Variants in HSD17B12 observed in about 807,000 individuals in gnomAD.
HSD17B12 encodes the protein very-long-chain 3-oxoacyl-CoA reductase.
HSD17B12 carries 32 observed loss-of-function variants against 39.3 expected under a neutral mutation model. That is an observed-to-expected ratio of 0.81 (90% CI 0.61 to 1.09). The LOEUF (loss-of-function observed/expected upper bound fraction) is 1.09. HSD17B12 is among the 50% of genes least tolerant of loss of function. HSD17B12 has a pLI of 0.00. For synonymous variants in HSD17B12, 150 were observed against 146.7 expected, an observed-to-expected ratio of 1.02 and a Z score of -0.16; for missense variants, 342 against 382.9, an observed-to-expected ratio of 0.89 and a Z score of 0.89.
intron 1 of HSD17B12, among the ~76,000 whole-genome samples, chr11:43,729,558 GT>G (rs1950250204): frequency 6.6e-6 from 1 of 152,194 alleles, no homozygotes; most frequent in Admixed American, 6.5e-5. Context: ...AAAAAGCCAT[GT>G]AAGTAAATAA....
the HSD17B12 span, among the ~76,000 whole-genome samples, chr11:43,606,928 C>A: frequency 6.6e-6 from 1 of 152,144 alleles, no homozygotes; most frequent in Non-Finnish European, 1.5e-5. Flanking sequence ...TCAATGTGAG[C>A]AGTCTGTGTG....
chr11:43,838,004 C>T (rs770460804), intron 7 of HSD17B12: 5 of 300,144 alleles, frequency 1.7e-5, no homozygotes, highest in African/African-American at 4.3e-5. Flanking sequence ...TAAAAATTCT[C>T]AGCACTGTGG....
At chr11:43,590,505 G>GGTTTTTTTTTTTTTTTTTTTTT in the HSD17B12 span, among the ~76,000 whole-genome samples, 1 of 47,854 alleles carries the variant, frequency 2.1e-5, no homozygotes. Context: ...TGGAGTGAGT[G>GGTTTTTTTTTTTTTTTTTTTTT]ATTTTTTTTT....
the HSD17B12 span, chr11:43,569,968 C>A: frequency 6.6e-6 from 1 of 152,636 alleles, no homozygotes; most frequent in African/African-American, 2.4e-5. Context: ...CTAAAGTGCC[C>A]TCTAATGGGC....
chr11:43,763,768 A>G (rs1208533185), intron 3 of HSD17B12, among the ~76,000 whole-genome samples: 1 of 151,776 alleles, frequency 6.6e-6, no homozygotes, highest in Non-Finnish European at 1.5e-5. Context: ...CTCCATCCTA[A>G]CTGGAGTTTT....
chr11:43,671,229 A>G, the HSD17B12 span, among the ~76,000 whole-genome samples: 5 of 152,126 alleles, frequency 3.3e-5, no homozygotes, highest in African/African-American at 1.2e-4. Context: ...CAGTGGCGCC[A>G]TCTTGGCTCC....
chr11:43,687,634 G>A (rs572326249), intron 1 of HSD17B12, among the ~76,000 whole-genome samples: 3 of 152,314 alleles, frequency 2.0e-5, no homozygotes, highest in South Asian at 2.1e-4. Flanking sequence ...CTCATGAAAC[G>A]AGGGCTGAGT....
intron 1 of HSD17B12, chr11:43,734,247 A>G: frequency 2.2e-6 from 3 of 1,378,132 alleles, no homozygotes; most frequent in South Asian, 1.2e-5. Flanking sequence ...TTCATCCTGG[A>G]CTACGTGTCC....
chr11:43,796,237 T>C (rs1185299299), intron 3 of HSD17B12, among the ~76,000 whole-genome samples: 11 of 151,850 alleles, frequency 7.2e-5, no homozygotes, highest in Non-Finnish European at 7.4e-5. Context: ...TGTGAAGAGG[T>C]GGGTATCATG....
the HSD17B12 span, among the ~76,000 whole-genome samples, chr11:43,610,758 A>T: frequency 6.6e-6 from 1 of 152,282 alleles, no homozygotes; most frequent in Admixed American, 6.5e-5. Context: ...GCCCCCCAAA[A>T]ATGGCATTTT....
At chr11:43,664,337 T>C in the HSD17B12 span, among the ~76,000 whole-genome samples, 3 of 152,222 alleles carry the variant, frequency 2.0e-5, no homozygotes, top group African/African-American at 7.2e-5. Context: ...GTTTAAAAAT[T>C]TGGGGTCAGC....
chr11:43,773,688 C>T (rs868781936), intron 3 of HSD17B12, among the ~76,000 whole-genome samples: 4 of 152,212 alleles, frequency 2.6e-5, no homozygotes, highest in African/African-American at 9.6e-5. Flanking sequence ...AGAACCTATA[C>T]TGACACATCG....
At chr11:43,802,076 C>A (rs969297124) in intron 4 of HSD17B12, among the ~76,000 whole-genome samples, 4 of 151,986 alleles carry the variant, frequency 2.6e-5, no homozygotes, top group Non-Finnish European at 4.4e-5. Flanking sequence ...AGCTCCATCT[C>A]CCAGGTTCAC....
At chr11:43,778,712 T>G (rs1227354787) in intron 3 of HSD17B12, among the ~76,000 whole-genome samples, 5 of 130,500 alleles carry the variant, frequency 3.8e-5, no homozygotes, top group Admixed American at 2.4e-4. Flanking sequence ...ATCCAGCATA[T>G]AAACAGAACC....
rs1384715942 is a variant in HSD17B12 at position 43,855,526 on chromosome 11, A to C, written c.*278A>C. On this transcript the variant is annotated 3_prime_UTR_variant, in exon 11 of 11. Coordinates refer to ENST00000278353, the MANE Select transcript of HSD17B12 (RefSeq NM_016142.3). ...GGAACACCTAATAGAAAGGAATACT[A>C]TTATAGCAAATCACAGAATGATAGA... 5.5e-6 allele frequency: 1 copy of C among 182,964 alleles called. No individual in the cohort carries two copies. Among genetic ancestry groups the C allele is most frequent in the African/African-American group, 2.3e-5 (1 of 42,650 alleles). The allele number at this position is 182,964 out of a possible 1,614,324, so 11.3% of individuals were successfully genotyped here.
intron 1 of HSD17B12, among the ~76,000 whole-genome samples, chr11:43,719,627 A>T (rs7945816): frequency 0.19 from 24,105 of 130,118 alleles, 2,106 homozygotes; most frequent in Middle Eastern, 0.26. Flanking sequence ...AAAAAAAAAA[A>T]ATATATATAT....
chr11:43,588,252 G>C, the HSD17B12 span, among the ~76,000 whole-genome samples: 3 of 152,220 alleles, frequency 2.0e-5, no homozygotes, highest in African/African-American at 7.2e-5. Context: ...AGCACTCCCA[G>C]GTGAACAGCC....
At chr11:43,687,799 G>A (rs185670697) in intron 1 of HSD17B12, among the ~76,000 whole-genome samples, 3 of 152,348 alleles carry the variant, frequency 2.0e-5, no homozygotes, top group Admixed American at 2.0e-4. Context: ...ACTGTAAGCC[G>A]AATTTCTTGT....
At chr11:43,816,306 C>G in intron 5 of HSD17B12, 41 bp from the exon 6 acceptor site, 1 of 1,406,534 alleles carries the variant, frequency 7.1e-7, no homozygotes, top group South Asian at 1.4e-5. Context: ...GGGTCACTTT[C>G]ATGATCAAGT....
Sources: allele counts gnomAD v4.1 joint callset (sites outside exome capture counted in the v4.1 genomes callset), GRCh38; gene constraint gnomAD v4.1.1; transcripts MANE v1.5; gene names NCBI Gene and HGNC (gene_info 2026-07-23, HGNC 2026-07-21).